The following SRCAP variants were observed in gnomAD, a reference collection of about 807,000 sequenced individuals.
The protein encoded by SRCAP is chromatin remodeling protein SRCAP.
SRCAP carries 46 observed loss-of-function variants against 263.1 expected under a neutral mutation model. The observed-to-expected ratio is 0.17, with a 90% CI of 0.14 to 0.22. The LOEUF (loss-of-function observed/expected upper bound fraction) is 0.22. Ranked by LOEUF, SRCAP falls within the 10% of genes least tolerant of loss-of-function variation. The pLI is 1.00. For missense variants in SRCAP, 3,695 were observed against 4,181.9 expected (o/e 0.88, Z 3.21); for synonymous variants, 1,813 against 1,662.1 (o/e 1.09, Z -2.21).
chr16:30,716,933 A>G (rs2052956600), intron 18 of SRCAP, among the ~76,000 whole-genome samples: 1 of 152,208 alleles, frequency 6.6e-6, no homozygotes, highest in African/African-American at 2.4e-5. Flanking sequence ...ACATAGGTGT[A>G]CAAATATCTC....
intron 21 of SRCAP, 129 bp from the exon 22 acceptor site, chr16:30,721,993 A>G (rs2053016144): frequency 2.6e-6 from 3 of 1,156,156 alleles, no homozygotes; most frequent in Non-Finnish European, 3.6e-6. Context: ...TTATTGGGAC[A>G]TGGTAAATTG....
chr16:30,718,773 C>T (rs1318573481), intron 18 of SRCAP, among the ~76,000 whole-genome samples: 2 of 152,034 alleles, frequency 1.3e-5, no homozygotes, highest in South Asian at 2.1e-4. Context: ...ACCTGGCCCC[C>T]AGTTTTAAAT....
rs1280044014 is a variant in SRCAP, at chr16:30,711,102, G to C, written c.1318+14G>C. On this transcript the variant is annotated intron_variant, in intron 10 of 33. Transcript: ENST00000262518. ...TGGCTCGAGAAGGTGACATTTACCA[G>C]ACATTTTACTAAGCATCCACTTGGT... 2 of 1,603,356 alleles carry C rather than the reference G, an allele frequency of 1.2e-6. No homozygotes were observed. The highest frequency in any genetic ancestry group is 3.4e-5 in the Admixed American group (2 of 59,060).
Position 30,739,176 on chromosome 16 carries a change from G to A in SRCAP, c.9136G>A (p.Gly3046Ser), listed in dbSNP as rs758825096. The A allele has an allele frequency of 1.1e-5, 17 of 1,613,968 alleles. No individual in the cohort carries two copies. In the South Asian group the frequency reaches 1.9e-4, roughly 18 times the overall value. The change falls in exon 34 of 34, where the codon GGC (glycine) becomes AGC (serine). Residue 3046 changes from glycine (G) to serine (S), a missense_variant. Transcript: ENST00000262518. ...CGLGRRRQPQ[G>S]QGESEGSSSD... ...ATTGGGGAGGCGACGGCAACCCCAGGGCCAAGGGGAGAGTGAGGGTAGTTC... is the reference window on the plus strand; with the variant it reads ...ATTGGGGAGGCGACGGCAACCCCAGAGCCAAGGGGAGAGTGAGGGTAGTTC...
rs1256810448 is a variant in SRCAP at position 30,733,993 on chromosome 16, A to C, written c.6594A>C (p.Thr2198=). 1 of 1,609,430 alleles carries C rather than the reference A, an allele frequency of 6.2e-7. No homozygotes were observed. Among genetic ancestry groups the C allele is most frequent in the African/African-American group, 1.3e-5 (1 of 74,910 alleles). The part of the protein sequence containing the change: ...DMAIEGGNFT[T]AYFKQQTIRE... ...CCATTGAGGGAGGCAACTTCACCAC[A>C]GCCTATTTCAAACAGGTACTAAGTA... is the stretch of plus-strand genomic sequence containing the variant. Residue 2198 remains threonine (T), a synonymous_variant, in exon 30 of 34, where the codon ACA becomes ACC. Transcript: ENST00000262518. This position sits in a 1 kb window ranked among gnomAD's most constrained non-coding sequence, Gnocchi z 5.3.
Position 30,739,127 on chromosome 16 carries a change from C to T in SRCAP, c.9087C>T (p.Ser3029=). The change falls in exon 34 of 34, where the codon AGC becomes AGT. Residue 3029 remains serine (S), a synonymous_variant. Transcript: ENST00000262518. ...AGCTCCCCGTCTTGGACCGTGACAG[C>T]ACTTCTGTTCTCGAGAGCTGTGGAT... The part of the protein sequence containing the change: ...PSQLPVLDRD[S]TSVLESCGLG... The T allele has an allele frequency of 6.2e-7, 1 of 1,614,216 alleles. No homozygotes were observed. The highest frequency in any genetic ancestry group is 8.5e-7 in the Non-Finnish European group (1 of 1,180,026).
chr16:30,714,744 G>A (rs1245248109), intron 16 of SRCAP, among the ~76,000 whole-genome samples: 6 of 151,034 alleles, frequency 4.0e-5, no homozygotes, highest in Non-Finnish European at 5.9e-5. Flanking sequence ...TAAGTGATCC[G>A]CCCTGCCCCC....
chr16:30,721,353 C>T lies in SRCAP; in HGVS notation c.3418C>T (p.Pro1140Ser), dbSNP rs1476941970. 3 of 1,614,168 alleles carry T rather than the reference C, an allele frequency of 1.9e-6. 1 individual carries two copies. The highest frequency in any genetic ancestry group is 2.2e-5 in the East Asian group (1 of 44,888). The change falls in exon 21 of 34, where the codon CCT (proline) becomes TCT (serine). Residue 1140 changes from proline to serine, a missense_variant. Pro to Ser is a moderately conservative substitution (Grantham distance 74). Transcript: ENST00000262518. ...GACAGTGCCACCAGGCTACACCTTC[C>T]CTCCTGCTGCTGCCACCACCACTTC... ...PLTVPPGYTFPPAAATTTSTT... is the reference protein window; with the variant it reads ...PLTVPPGYTFSPAAATTTSTT...
At position 30,736,187 on chromosome 16, in the gene SRCAP, T is replaced by C; in HGVS notation, c.6730-13T>C. ...AGTCTCATGTTTTCTTTTTCTTTTATACACCCTGGTAGGCATTGTGTCGGG... is the reference window on the plus strand; with the variant it reads ...AGTCTCATGTTTTCTTTTTCTTTTACACACCCTGGTAGGCATTGTGTCGGG... On this transcript the variant is annotated splice_polypyrimidine_tract_variant and intron_variant, in intron 31 of 33. Transcript: ENST00000262518. The C allele has an allele frequency of 6.2e-7, 1 of 1,613,626 alleles. No individual in the cohort carries two copies.
chr16:30,733,437 T>C lies in SRCAP; in HGVS notation c.6285T>C (p.Val2095=). Residue 2095 remains valine (V), a synonymous_variant, in exon 28 of 34, where the codon GTT becomes GTC. Coordinates refer to ENST00000262518, the MANE Select transcript of SRCAP (RefSeq NM_006662.3). The surrounding 1 kb of genome is among the most constrained non-coding windows in gnomAD (Gnocchi z 5.3). ...TGCGCCTGGATGGATCTACTAGAGTTGAACAGAGACAGGTAACCCAGGTTT... is the reference window on the plus strand; with the variant it reads ...TGCGCCTGGATGGATCTACTAGAGTCGAACAGAGACAGGTAACCCAGGTTT... ...LYLRLDGSTR[V]EQRQALMERF... The C allele has an allele frequency of 6.2e-7, 1 of 1,614,140 alleles. No individual in the cohort carries two copies. Among genetic ancestry groups the C allele is most frequent in the Non-Finnish European group, 8.5e-7 (1 of 1,180,016 alleles).
chr16:30,709,382 A>G (rs2052863927), intron 6 of SRCAP, 131 bp from the exon 7 acceptor site: 1 of 867,322 alleles, frequency 1.2e-6, no homozygotes, highest in African/African-American at 1.7e-5. Flanking sequence ...TGAGCCCCTA[A>G]GGTTATTTAG....
chr16:30,733,101 G>A lies in SRCAP; in HGVS notation c.6128-179G>A, dbSNP rs1220704228. Among the ~76,000 whole-genome samples the A allele has an allele frequency of 1.3e-5, 2 of 152,190 alleles. No homozygotes were observed. Among genetic ancestry groups the A allele is most frequent in the African/African-American group, 4.8e-5 (2 of 41,442 alleles). ...TCCACCTGCCTCAGCTTCTCAGAGT[G>A]CAGGGACTACAGGTGTGAGCCACCA... On this transcript the variant is annotated intron_variant, in intron 27 of 33. Transcript: ENST00000262518. The surrounding 1 kb of genome is among the most constrained non-coding windows in gnomAD (Gnocchi z 5.3).
chr16:30,732,679 C>A (rs958909324), intron 27 of SRCAP, among the ~76,000 whole-genome samples: 2 of 152,112 alleles, frequency 1.3e-5, no homozygotes, highest in Admixed American at 1.3e-4. Flanking sequence ...TATTGTAATA[C>A]TTAAGGATCT....
chr16:30,712,180 CCTTTCTCATGTCTTGA>C (rs768639460), intron 12 of SRCAP, 23 bp downstream of exon 12: 37 of 1,607,690 alleles, frequency 2.3e-5, no homozygotes, highest in Middle Eastern at 3.3e-4. Context: ...TCTGGCCTCT[CCTTTCTCATGTCTTGA>C]CTTTCTCATG....
At chr16:30,703,507 A>G (rs67456513) in intron 3 of SRCAP, among the ~76,000 whole-genome samples, 1 of 151,312 alleles carries the variant, frequency 6.6e-6, no homozygotes, top group Admixed American at 6.6e-5. Context: ...ATATATATAT[A>G]TTTTTAAGTT....
chr16:30,712,947 A>G (rs1596648287), intron 14 of SRCAP, 132 bp downstream of exon 14: 3 of 1,229,948 alleles, frequency 2.4e-6, no homozygotes, highest in African/African-American at 1.5e-5. Flanking sequence ...AAAAATAAAG[A>G]TGGGGTCTCA....
intron 16 of SRCAP, among the ~76,000 whole-genome samples, chr16:30,714,527 A>T (rs1596649479): frequency 1.2e-3 from 2 of 1,608 alleles, no homozygotes; most frequent in Non-Finnish European, 5.8e-3. Context: ...TTTGAGACAG[A>T]GTCTCTCTCT....
At position 30,736,181 on chromosome 16, in the gene SRCAP, C is replaced by CTTT. The variant is rs1485033477; in HGVS notation, c.6730-17_6730-15dup. The CTTT allele has an allele frequency of 1.2e-6, 2 of 1,611,254 alleles. No individual in the cohort carries two copies. Among genetic ancestry groups the CTTT allele is most frequent in the African/African-American group, 2.7e-5 (2 of 74,752 alleles). On this transcript the variant is annotated intron_variant, in intron 31 of 33. Transcript: ENST00000262518. ...ACTTGAAGTCTCATGTTTTCTTTTTCTTTTATACACCCTGGTAGGCATTGT... is the reference window on the plus strand; with the variant it reads ...ACTTGAAGTCTCATGTTTTCTTTTTCTTTTTTTATACACCCTGGTAGGCATTGT...
Position 30,723,103 on chromosome 16 carries a change from C to T in SRCAP, c.4033C>T (p.Arg1345Cys), listed in dbSNP as rs758525343. The T allele has an allele frequency of 3.1e-6, 5 of 1,614,060 alleles. No homozygotes were observed. The highest frequency in any genetic ancestry group is 2.2e-5 in the East Asian group (1 of 44,856). Residue 1345 changes from arginine (R) to cysteine (C), a missense_variant, in exon 24 of 34, where the codon CGC becomes TGC. By Grantham distance (180) the Arg-to-Cys change is radical. This residue lies in a region of SRCAP where 1,347 missense variants were observed against 1,304.4 expected (regional missense o/e 1.03). Transcript: ENST00000262518. ...SSGLPAVLNP[R>C]PTLTPGRLPT... Reference sequence around the variant, plus strand: ...TGGGCTTCCAGCTGTGTTGAATCCACGCCCCACGTTAACCCCTGGCCGGCT... The same window carrying T: ...TGGGCTTCCAGCTGTGTTGAATCCATGCCCCACGTTAACCCCTGGCCGGCT...
Sources: allele counts gnomAD v4.1 joint callset (sites outside exome capture counted in the v4.1 genomes callset), GRCh38; gene constraint gnomAD v4.1.1; regional missense constraint gnomAD v4.1.1; non-coding constraint Gnocchi (gnomAD v3.1); transcripts MANE v1.5; gene names NCBI Gene and HGNC (gene_info 2026-07-23, HGNC 2026-07-21).